Variants in RYR3 observed in about 807,000 individuals in gnomAD.
RYR3 encodes the protein brain ryanodine receptor-calcium release channel.
A neutral mutation model predicts 584.3 loss-of-function variants in RYR3; 207 were observed. That is an observed-to-expected ratio of 0.35 (90% CI 0.32 to 0.40). The LOEUF (loss-of-function observed/expected upper bound fraction) is 0.40. RYR3 is among the 10% of genes least tolerant of loss of function. The probability of loss-of-function intolerance (pLI) is 1.00; values close to 1 mark genes in which losing one functional copy is unlikely to be tolerated. For synonymous variants in RYR3, 2,416 were observed against 2,248.5 expected (o/e 1.07, Z -2.11); for missense variants, 5,616 against 6,089.2 (o/e 0.92, Z 2.59).
chr15:33,336,471 AGAGAGAGAG>A lies in RYR3; in HGVS notation c.51+25376_51+25384del. Among the ~76,000 whole-genome samples the A allele has an allele frequency of 9.9e-5, 4 of 40,238 alleles. 1 individual carries two copies. Among genetic ancestry groups the A allele is most frequent in the African/African-American group, 9.2e-4 (4 of 4,344 alleles). 26.4% of individuals were successfully genotyped at this position (40,238 alleles called of 152,430 possible). The stretch of plus-strand genomic sequence containing the variant: ...GAGAGAGAGAGAGAGAGAGAGAGAG[AGAGAGAGAG>A]AGAGAGAAAGAAAGAAAGAAAGAAG... On this transcript the variant is annotated intron_variant, in intron 1 of 103. Coordinates refer to ENST00000634891, the MANE Select transcript of RYR3 (RefSeq NM_001036.6).
chr15:33,772,268 T>C (rs2073633104), intron 63 of RYR3, 110 bp downstream of exon 63: 5 of 620,216 alleles, frequency 8.1e-6, no homozygotes, highest in Non-Finnish European at 1.4e-5. Flanking sequence ...GAGAGAATTA[T>C]TCCATGCCTT....
intron 5 of RYR3, among the ~76,000 whole-genome samples, chr15:33,535,614 A>G (rs959924746): frequency 3.3e-5 from 5 of 152,238 alleles, no homozygotes; most frequent in Admixed American, 3.3e-4. Flanking sequence ...AGAAAAGTCA[A>G]ATATGGTCAC....
intron 40 of RYR3, among the ~76,000 whole-genome samples, chr15:33,698,909 C>T (rs995973106): frequency 1.3e-5 from 2 of 152,110 alleles, no homozygotes; most frequent in African/African-American, 4.8e-5. Context: ...ACACTGGCAC[C>T]ATTTATTGAG....
intron 91 of RYR3, among the ~76,000 whole-genome samples, chr15:33,843,212 C>T (rs958449317): frequency 6.6e-6 from 1 of 151,850 alleles, no homozygotes; most frequent in East Asian, 1.9e-4. Flanking sequence ...CCCAGCTACT[C>T]GGGAGGCTGA....
chr15:33,729,120 A>G (rs1252703277), intron 47 of RYR3, 94 bp downstream of exon 47: 1 of 1,028,592 alleles, frequency 9.7e-7, no homozygotes. Flanking sequence ...TTACTCACCA[A>G]TTACATTTTA....
At chr15:33,616,854 T>C (rs1287046051) in intron 19 of RYR3, among the ~76,000 whole-genome samples, 1 of 152,192 alleles carries the variant, frequency 6.6e-6, no homozygotes, top group Non-Finnish European at 1.5e-5. Context: ...GAAATACATT[T>C]TACTGAAATG....
At chr15:33,658,892 G>T (rs75633823) in intron 32 of RYR3, among the ~76,000 whole-genome samples, 4 of 152,206 alleles carry the variant, frequency 2.6e-5, no homozygotes, top group Non-Finnish European at 4.4e-5. Flanking sequence ...GAGTGCAAAG[G>T]GGGTGGAGAG....
intron 61 of RYR3, 142 bp downstream of exon 61, chr15:33,768,849 A>G (rs1218514693): frequency 3.6e-6 from 3 of 829,602 alleles, no homozygotes; most frequent in African/African-American, 1.7e-5. Flanking sequence ...ATTGATCTGA[A>G]GCATGATAAA....
intron 1 of RYR3, among the ~76,000 whole-genome samples, chr15:33,362,747 T>G (rs112220027): frequency 0.011 from 1,653 of 152,304 alleles, 27 homozygotes; most frequent in African/African-American, 0.038. Flanking sequence ...GAGCCCTTCC[T>G]TGAAATATCC....
intron 64 of RYR3, among the ~76,000 whole-genome samples, chr15:33,779,728 C>A (rs967942053): frequency 2.0e-5 from 3 of 152,084 alleles, no homozygotes; most frequent in African/African-American, 7.2e-5. Flanking sequence ...TCTGGCCGGG[C>A]GTGGTGGCTC....
intron 1 of RYR3, among the ~76,000 whole-genome samples, chr15:33,402,947 A>G (rs566061369): frequency 6.6e-6 from 1 of 152,358 alleles, no homozygotes; most frequent in Non-Finnish European, 1.5e-5. Flanking sequence ...TGCCTGCCTC[A>G]CTGCGTCAGC....
intron 38 of RYR3, among the ~76,000 whole-genome samples, chr15:33,678,740 C>T (rs1042777450): frequency 1.3e-5 from 2 of 152,202 alleles, no homozygotes; most frequent in African/African-American, 2.4e-5. Context: ...TATACCATCA[C>T]GCGCCTCGAG....
intron 1 of RYR3, among the ~76,000 whole-genome samples, chr15:33,387,541 C>G (rs1358761375): frequency 1.3e-5 from 2 of 151,928 alleles, no homozygotes; most frequent in African/African-American, 2.4e-5. Context: ...GCATAAGGTA[C>G]CTGTCAGTTT....
At chr15:33,767,361 A>G (rs555529493) in intron 60 of RYR3, among the ~76,000 whole-genome samples, 1 of 152,310 alleles carries the variant, frequency 6.6e-6, no homozygotes, top group Non-Finnish European at 1.5e-5. Context: ...CCGATATTTA[A>G]TTTCACCCTA....
chr15:33,588,654 C>G (rs1013845502), intron 16 of RYR3, among the ~76,000 whole-genome samples: 2 of 152,188 alleles, frequency 1.3e-5, no homozygotes, highest in African/African-American at 4.8e-5. Flanking sequence ...CTCTCTATGT[C>G]CGCATCTCCA....
chr15:33,765,636 A>G (rs201839264), intron 60 of RYR3, among the ~76,000 whole-genome samples: 2 of 148,078 alleles, frequency 1.4e-5, no homozygotes, highest in African/African-American at 4.9e-5. Context: ...CCGTCTCAAA[A>G]AAAAAAAAAA....
At chr15:33,768,584 A>C in intron 60 of RYR3, 74 bp from the exon 61 acceptor site, 1 of 1,275,424 alleles carries the variant, frequency 7.8e-7, no homozygotes. Flanking sequence ...TGTAAGGGAC[A>C]TTGGGGTGGG....
At chr15:33,863,111 C>T (rs975888369) in intron 102 of RYR3, among the ~76,000 whole-genome samples, 2 of 152,160 alleles carry the variant, frequency 1.3e-5, no homozygotes, top group Non-Finnish European at 2.9e-5. Context: ...CTTCCCATGG[C>T]ACTGTTACAC....
intron 2 of RYR3, among the ~76,000 whole-genome samples, chr15:33,480,582 A>C (rs993158955): frequency 6.6e-6 from 1 of 152,250 alleles, no homozygotes; most frequent in African/African-American, 2.4e-5. Flanking sequence ...TAAAAGTAAA[A>C]TATTAAGGAG....
Sources: gnomAD v4.1 joint callset for allele counts (sites outside exome capture counted in the v4.1 genomes callset) on GRCh38, gnomAD v4.1.1 for gene constraint, MANE v1.5 for transcripts, NCBI Gene and HGNC (gene_info 2026-07-23, HGNC 2026-07-21) for gene names.